Variants in ITGB5 observed in about 807,000 individuals in gnomAD.
ITGB5 encodes the protein integrin beta-5.
Under a neutral mutation model 84.8 loss-of-function variants are expected in ITGB5, and 38 were observed. The observed-to-expected ratio is 0.45, with a 90% CI of 0.35 to 0.59. ITGB5 has a LOEUF of 0.59. Among genes scored for constraint, ITGB5 ranks in the 20% least tolerant of loss-of-function variants. The pLI, the probability that ITGB5 is intolerant of heterozygous loss-of-function variation, is 0.01. For synonymous variants in ITGB5, 393 were observed against 414.4 expected (o/e 0.95, Z 0.63); for missense variants, 905 against 1,034.5 (o/e 0.87, Z 1.72).
intron 5 of ITGB5, among the ~76,000 whole-genome samples, chr3:124,834,486 T>TGGGAAGGGAGGGAGGGAGAGGA (rs1462560742): frequency 1.3e-5 from 1 of 75,918 alleles, no homozygotes; most frequent in African/African-American, 5.2e-5. Flanking sequence ...AAGGGAAGGA[T>TGGGAAGGGAGGGAGGGAGAGGA]GGGAAGGGAG....
At chr3:124,781,040 G>A (rs937259733) in intron 10 of ITGB5, 1 of 152,392 alleles carries the variant, frequency 6.6e-6, no homozygotes, top group Admixed American at 6.5e-5. Flanking sequence ...TGGTGTCTGT[G>A]TGGCTGAGGG....
intron 5 of ITGB5, among the ~76,000 whole-genome samples, chr3:124,836,005 G>C (rs866751991): frequency 6.6e-6 from 1 of 152,154 alleles, no homozygotes; most frequent in African/African-American, 2.4e-5. Context: ...AGTCCTCTGC[G>C]AGAAGTGGCA....
At chr3:124,804,361 A>AAAAAC (rs2064361359) in intron 9 of ITGB5, among the ~76,000 whole-genome samples, 3 of 152,082 alleles carry the variant, frequency 2.0e-5, no homozygotes, top group Non-Finnish European at 1.5e-5. Flanking sequence ...CTGTTTCTTA[A>AAAAAC]AAAACAAAAC....
intron 2 of ITGB5, among the ~76,000 whole-genome samples, chr3:124,873,028 AT>A (rs1934131684): frequency 6.7e-6 from 1 of 148,184 alleles, no homozygotes; most frequent in African/African-American, 2.4e-5. Context: ...AATTCCTAAT[AT>A]TTATTCTCAA....
chr3:124,863,313 C>A (rs113153948), intron 2 of ITGB5: 197 of 152,332 alleles, frequency 1.3e-3, no homozygotes, highest in African/African-American at 4.7e-3. Context: ...GTAAAGATCT[C>A]TTTTGGCACG....
chr3:124,854,097 C>T (rs191545307), intron 3 of ITGB5, among the ~76,000 whole-genome samples: 3 of 152,180 alleles, frequency 2.0e-5, no homozygotes, highest in Admixed American at 2.0e-4. Flanking sequence ...CATGTAGTTT[C>T]CAGTACTGAA....
intron 1 of ITGB5, among the ~76,000 whole-genome samples, chr3:124,893,190 C>T (rs1300830407): frequency 1.3e-5 from 2 of 152,040 alleles, no homozygotes; most frequent in African/African-American, 2.4e-5. Context: ...GGAAGATCAC[C>T]AGAGGTCAGG....
At chr3:124,900,113 A>G (rs563296752) in intron 1 of ITGB5, among the ~76,000 whole-genome samples, 17 of 152,216 alleles carry the variant, frequency 1.1e-4, no homozygotes, top group South Asian at 8.3e-4. Context: ...CTCAGCTTCA[A>G]ATATATGTCA....
intron 2 of ITGB5, among the ~76,000 whole-genome samples, chr3:124,871,838 TAAAAATAAAA>T (rs1401163302): frequency 6.9e-6 from 1 of 144,046 alleles, no homozygotes; most frequent in Non-Finnish European, 1.5e-5. Context: ...AAAATAAAAA[TAAAAATAAAA>T]ATAAATAATA....
intron 5 of ITGB5, among the ~76,000 whole-genome samples, chr3:124,823,603 T>C (rs187470737): frequency 6.7e-6 from 1 of 149,834 alleles, no homozygotes; most frequent in Admixed American, 6.7e-5. Context: ...CTTATGAGCA[T>C]TTATCGAGAT....
At chr3:124,847,071 C>T (rs1433791112) in intron 4 of ITGB5, among the ~76,000 whole-genome samples, 2 of 152,236 alleles carry the variant, frequency 1.3e-5, no homozygotes, top group Non-Finnish European at 2.9e-5. Flanking sequence ...ATCTGGCTTA[C>T]ACTTACCTTA....
chr3:124,763,861 C>T (rs2150917289), intron 14 of ITGB5, 143 bp from the exon 15 acceptor site: 1 of 581,542 alleles, frequency 1.7e-6, no homozygotes, highest in Non-Finnish European at 3.1e-6. Context: ...CGGCCGTGGG[C>T]TCTAGGACAG....
intron 9 of ITGB5, among the ~76,000 whole-genome samples, chr3:124,798,583 C>G (rs1412996660): frequency 6.6e-6 from 1 of 151,974 alleles, no homozygotes; most frequent in African/African-American, 2.4e-5. Flanking sequence ...CCATGCCTGG[C>G]TAATTTTTGT....
At chr3:124,819,449 CTAGTA>C (rs1276113503) in intron 7 of ITGB5, among the ~76,000 whole-genome samples, 2 of 152,156 alleles carry the variant, frequency 1.3e-5, no homozygotes, top group African/African-American at 4.8e-5. Flanking sequence ...TTTTCCTTCT[CTAGTA>C]GAGTGTGCCT....
intron 5 of ITGB5, among the ~76,000 whole-genome samples, chr3:124,836,522 TTACTTCCCAGAG>T (rs1396566465): frequency 1.3e-5 from 2 of 152,172 alleles, no homozygotes; most frequent in Admixed American, 1.3e-4. Flanking sequence ...TGCATTATTG[TTACTTCCCAGAG>T]CACACAGTCA....
At chr3:124,814,502 A>C (rs939493097) in intron 8 of ITGB5, among the ~76,000 whole-genome samples, 2 of 149,848 alleles carry the variant, frequency 1.3e-5, no homozygotes. Context: ...AAAGAGACAG[A>C]GTCTCACTCT....
At chr3:124,870,306 C>T (rs1002650473) in intron 2 of ITGB5, among the ~76,000 whole-genome samples, 4 of 152,140 alleles carry the variant, frequency 2.6e-5, no homozygotes, top group African/African-American at 4.8e-5. Flanking sequence ...ACAGAGTACA[C>T]GGAGACAAAG....
chr3:124,837,528 T>C (rs2064951723), intron 5 of ITGB5, among the ~76,000 whole-genome samples: 1 of 152,208 alleles, frequency 6.6e-6, no homozygotes, highest in African/African-American at 2.4e-5. Flanking sequence ...CACAGCAATG[T>C]GACCTGCAGG....
At chr3:124,823,498 T>C (rs938945808) in intron 5 of ITGB5, among the ~76,000 whole-genome samples, 3 of 151,554 alleles carry the variant, frequency 2.0e-5, no homozygotes, top group African/African-American at 7.3e-5. Flanking sequence ...AAACTACTTA[T>C]GGGTAGGAGT....
Sources: allele counts gnomAD v4.1 joint callset (sites outside exome capture counted in the v4.1 genomes callset), GRCh38; gene constraint gnomAD v4.1.1; transcripts MANE v1.5; gene names NCBI Gene and HGNC (gene_info 2026-07-23, HGNC 2026-07-21).